Variants in HTR3B observed in about 807,000 individuals in gnomAD.
HTR3B encodes 5-hydroxytryptamine receptor 3B.
A neutral mutation model predicts 42.8 loss-of-function variants in HTR3B; 44 were observed. That is an observed-to-expected ratio of 1.03 (90% CI 0.81 to 1.32). The LOEUF (loss-of-function observed/expected upper bound fraction) is 1.32, where lower values mean the gene tolerates loss of function less well. HTR3B is among the 40% of genes most tolerant of loss of function. The pLI is 0.00. For synonymous variants in HTR3B, 203 were observed against 209.0 expected (o/e 0.97, Z 0.25); for missense variants, 527 against 536.5 (o/e 0.98, Z 0.17).
intron 6 of HTR3B, among the ~76,000 whole-genome samples, chr11:113,941,504 A>T (rs1351650481): frequency 6.6e-6 from 1 of 152,240 alleles, no homozygotes; most frequent in Non-Finnish European, 1.5e-5. Flanking sequence ...CCAAGCTACA[A>T]GAGCAGCTCT....
chr11:113,905,026 C>T (rs1340403802), intron 1 of HTR3B, 41 bp downstream of exon 1: 2 of 1,398,346 alleles, frequency 1.4e-6, no homozygotes, highest in Non-Finnish European at 2.0e-6. Flanking sequence ...TAAGGATTAA[C>T]TCTTAGAAGA....
rs143354505 is a variant in HTR3B, at chr11:113,935,135, G to A, written c.696+2042G>A. Among the ~76,000 whole-genome samples, 569 of 125,450 alleles carry A rather than the reference G, an allele frequency of 4.5e-3. 8 individuals are homozygous for A. Among genetic ancestry groups the A allele is most frequent in the African/African-American group, 0.013 (498 of 38,036 alleles). 82.3% of individuals were successfully genotyped at this position (125,450 alleles called of 152,430 possible). A position where few individuals can be genotyped will look rare whatever the true frequency, so the allele number is the denominator to read the frequency against. On this transcript the variant is annotated intron_variant, in intron 6 of 8. Transcript: ENST00000260191. ...TTTCCTTCACCCTAAATGTTAATTC[G>A]TCAACAGCAGCTGAAGGTTTTCTAT... is the stretch of plus-strand genomic sequence containing the variant.
chr11:113,906,596 T>C (rs1360182963), intron 1 of HTR3B, among the ~76,000 whole-genome samples: 1 of 152,196 alleles, frequency 6.6e-6, no homozygotes, highest in Non-Finnish European at 1.5e-5. Context: ...TCAGTCTTCT[T>C]TTTGAAAGGT....
Position 113,931,760 on chromosome 11 carries a change from C to T in HTR3B, c.261C>T (p.Val87=). ...TTCTTTTTGGCTACTACTAACAGGT[C>T]TGGAATGATGAATTTTTATCCTGGA... ...ILKTSVWYQE[V]WNDEFLSWNS... is the part of the protein sequence containing the mutation. Residue 87 remains valine (V), a splice_region_variant and synonymous_variant, in exon 4 of 9, where the codon GTC becomes GTT. Transcript: ENST00000260191. The T allele has an allele frequency of 6.3e-7, 1 of 1,595,452 alleles. No individual in the cohort carries two copies. The highest frequency in any genetic ancestry group is 8.6e-7 in the Non-Finnish European group (1 of 1,163,000).
intron 2 of HTR3B, 25 bp from the exon 3 acceptor site, chr11:113,931,359 A>G: frequency 6.4e-7 from 1 of 1,571,478 alleles, no homozygotes; most frequent in South Asian, 1.1e-5. Flanking sequence ...TAAGATTTGG[A>G]GTGGATTTTC....
At chr11:113,907,795 C>G (rs1309090252) in intron 1 of HTR3B, among the ~76,000 whole-genome samples, 1 of 152,130 alleles carries the variant, frequency 6.6e-6, no homozygotes, top group African/African-American at 2.4e-5. Flanking sequence ...TTCGGTGTTT[C>G]CCCAACTGAG....
chr11:113,926,020 C>T (rs1156597102), intron 2 of HTR3B, among the ~76,000 whole-genome samples: 1 of 152,108 alleles, frequency 6.6e-6, no homozygotes, highest in East Asian at 1.9e-4. Flanking sequence ...AGCAGTCACA[C>T]CTCACATTCC....
At chr11:113,923,315 A>G (rs1310155772) in intron 2 of HTR3B, among the ~76,000 whole-genome samples, 1 of 152,168 alleles carries the variant, frequency 6.6e-6, no homozygotes, top group East Asian at 1.9e-4. Flanking sequence ...CCTCCATTAT[A>G]ATGTTTTGCC....
intron 6 of HTR3B, among the ~76,000 whole-genome samples, chr11:113,933,974 A>T (rs2137525863): frequency 6.6e-6 from 1 of 152,368 alleles, no homozygotes; most frequent in East Asian, 1.9e-4. Context: ...AACCACAGGC[A>T]GGTCAGGACT....
chr11:113,941,326 A>T (rs1026116043), intron 6 of HTR3B, among the ~76,000 whole-genome samples: 2 of 152,196 alleles, frequency 1.3e-5, no homozygotes, highest in African/African-American at 4.8e-5. Flanking sequence ...ATGGGATGAG[A>T]TGACAGTCCA....
In HTR3B at chr11:113,932,917, T is replaced by C. The variant is rs745778151; in HGVS notation, c.539-19T>C. On this transcript the variant is annotated intron_variant, in intron 5 of 8. Coordinates refer to ENST00000260191, the MANE Select transcript of HTR3B (RefSeq NM_006028.5). ...ATCTCTTTCTCTCTGGGAAAGTCAA[T>C]TGTTTGTGTTGTTTGCAGTGGAAGA... The C allele has an allele frequency of 6.2e-7, 1 of 1,609,184 alleles. No homozygotes were observed. Among genetic ancestry groups the C allele is most frequent in the African/African-American group, 1.3e-5 (1 of 74,732 alleles).
upstream of HTR3B, among the ~76,000 whole-genome samples, chr11:113,901,212 C>T (rs1217670807): frequency 5.9e-5 from 9 of 151,930 alleles, no homozygotes; most frequent in African/African-American, 1.7e-4. Context: ...GAGGCCAAGG[C>T]GGAAGGATCA....
At chr11:113,923,240 T>C (rs1949933421) in intron 2 of HTR3B, among the ~76,000 whole-genome samples, 1 of 152,202 alleles carries the variant, frequency 6.6e-6, no homozygotes, top group African/African-American at 2.4e-5. Context: ...GTTGGATGCA[T>C]CTGCCAGCAT....
chr11:113,947,109 CTT>C lies in HTR3B; in HGVS notation c.*984_*985del, dbSNP rs538527578. Among the ~76,000 whole-genome samples the C allele has an allele frequency of 2.8e-5, 4 of 145,310 alleles. No individual in the cohort carries two copies. The highest frequency in any genetic ancestry group is 5.0e-5 in the African/African-American group (2 of 39,972). Reference sequence around the variant, plus strand: ...GGAGAGAACCCAGGTGCCAAGGCTTCTTTTTTTTTTTTTGAGGCAGAGTCTTG... The same window carrying C: ...GGAGAGAACCCAGGTGCCAAGGCTTCTTTTTTTTTTTGAGGCAGAGTCTTG... On this transcript the variant is annotated 3_prime_UTR_variant, in exon 9 of 9. Coordinates refer to ENST00000260191, the MANE Select transcript of HTR3B (RefSeq NM_006028.5).
chr11:113,904,971 T>C lies in HTR3B; in HGVS notation c.38T>C (p.Ile13Thr). ...GTAATGGCTCCCCTGTGGGCCTGCA[T>C]CCTGGTGGCTGCAGGTGAGTCCTTT... Reference protein sequence around the residue: ...SSVMAPLWACILVAAGILATD... With the variant: ...SSVMAPLWACTLVAAGILATD... Residue 13 changes from isoleucine to threonine, a missense_variant, in exon 1 of 9, where the codon ATC becomes ACC. Physicochemically the swap from Ile to Thr is moderately conservative, Grantham distance 89 (BLOSUM62 -1). Coordinates refer to ENST00000260191, the MANE Select transcript of HTR3B (RefSeq NM_006028.5). The C allele has an allele frequency of 1.3e-5, 21 of 1,611,534 alleles. No homozygotes were observed. Among genetic ancestry groups the C allele is most frequent in the Non-Finnish European group, 1.8e-5 (21 of 1,177,712 alleles).
At position 113,946,834 on chromosome 11, in the gene HTR3B, C is replaced by T. The variant is rs748237075; in HGVS notation, c.*697C>T. 6.6e-6 allele frequency among the ~76,000 whole-genome samples: 1 copy of T among 152,210 alleles called. No homozygotes were observed. The highest frequency in any genetic ancestry group is 1.5e-5 in the Non-Finnish European group (1 of 68,032). The stretch of plus-strand genomic sequence containing the variant: ...GCCCTGCCTTGGCCATTTATTCAGT[C>T]ACCCATTCAACAAAACCTTTATTGA... On this transcript the variant is annotated 3_prime_UTR_variant, in exon 9 of 9. Transcript: ENST00000260191.
intron 2 of HTR3B, among the ~76,000 whole-genome samples, chr11:113,913,676 G>A (rs541718038): frequency 3.3e-5 from 5 of 150,658 alleles, no homozygotes; most frequent in African/African-American, 7.3e-5. Context: ...CATCACACCC[G>A]GCTAATTTTT....
At position 113,946,989 on chromosome 11, in the gene HTR3B, A is replaced by G. The variant is rs1429455083; in HGVS notation, c.*852A>G. 1.3e-5 allele frequency among the ~76,000 whole-genome samples: 2 copies of G among 152,192 alleles called. No homozygotes were observed. Among genetic ancestry groups the G allele is most frequent in the South Asian group, 2.1e-4 (1 of 4,826 alleles). ...CCAACCAGAGCATAAAATTCCTGCC[A>G]TATCCCTCACCTTCTGAGGCTCTTG... On this transcript the variant is annotated 3_prime_UTR_variant, in exon 9 of 9. Coordinates refer to ENST00000260191, the MANE Select transcript of HTR3B (RefSeq NM_006028.5).
rs745844734 is a variant in HTR3B at position 113,943,012 on chromosome 11, G to C, written c.727G>C (p.Val243Leu). 2.5e-6 allele frequency: 4 copies of C among 1,614,118 alleles called. No individual in the cohort carries two copies. Among genetic ancestry groups the C allele is most frequent in the Middle Eastern group, 1.6e-4 (1 of 6,062 alleles). ...VVMRRHPLVYVVSLLIPSIFL... is the reference protein window; with the variant it reads ...VVMRRHPLVYLVSLLIPSIFL... ...GATGCGCAGGCACCCCCTGGTCTAT[G>C]TCGTGAGTCTGCTGATTCCTAGCAT... The change falls in exon 7 of 9, where the codon GTC (valine) becomes CTC (leucine). Residue 243 changes from valine to leucine, a missense_variant. Val to Leu is a conservative substitution (Grantham distance 32). Transcript: ENST00000260191.
Sources: gnomAD v4.1 joint callset for allele counts (sites outside exome capture counted in the v4.1 genomes callset) on GRCh38, gnomAD v4.1.1 for gene constraint, MANE v1.5 for transcripts, NCBI Gene and HGNC (gene_info 2026-07-23, HGNC 2026-07-21) for gene names.